KHDRBS3: variants seen among roughly 807,000 people sequenced by gnomAD.
KHDRBS3 encodes the protein KH RNA binding domain containing, signal transduction associated 3.
KHDRBS3 carries 23 observed loss-of-function variants against 45.6 expected under a neutral mutation model. The observed-to-expected ratio is 0.50, with a 90% CI of 0.36 to 0.72. The LOEUF (loss-of-function observed/expected upper bound fraction) is 0.72, where lower values mean the gene tolerates loss of function less well. Ranked by LOEUF, KHDRBS3 falls within the 30% of genes least tolerant of loss-of-function variation. The pLI is 0.00. For missense variants in KHDRBS3, 352 were observed against 424.8 expected (o/e 0.83, Z 1.51); for synonymous variants, 162 against 156.5 (o/e 1.04, Z -0.26).
Position 135,647,207 on chromosome 8 carries a change from G to A in KHDRBS3, c.*123G>A, listed in dbSNP as rs1174752728. On this transcript the variant is annotated 3_prime_UTR_variant, in exon 9 of 9. Coordinates refer to ENST00000355849, the MANE Select transcript of KHDRBS3 (RefSeq NM_006558.3). ...AGAATGCTTAAAATCTGAATGGATG[G>A]AACTTAAAACTACTTTGTTGAAACA... The A allele has an allele frequency of 1.8e-5, 6 of 332,398 alleles. No homozygotes were observed. Among genetic ancestry groups the A allele is most frequent in the Non-Finnish European group, 3.3e-5 (6 of 184,562 alleles). 20.6% of individuals were successfully genotyped at this position (332,398 alleles called of 1,614,324 possible).
chr8:135,540,347 G>C (rs1242191355), intron 2 of KHDRBS3: 1 of 152,204 alleles, frequency 6.6e-6, no homozygotes, highest in Admixed American at 6.5e-5. Flanking sequence ...AGAGCGCTCA[G>C]GAATTGTAGG....
Position 135,592,754 on chromosome 8 carries a change from G to A in KHDRBS3, c.807+10681G>A, listed in dbSNP as rs577811867. 5.8e-3 allele frequency among the ~76,000 whole-genome samples: 47 copies of A among 8,082 alleles called. No homozygotes were observed. The Non-Finnish European group carries it at 0.11, about 18-fold the overall frequency. 5.3% of individuals were successfully genotyped at this position (8,082 alleles called of 152,430 possible). A position where few individuals can be genotyped will look rare whatever the true frequency, so the allele number is the denominator to read the frequency against. The stretch of plus-strand genomic sequence containing the variant: ...TAGTAAATCTCAAAGAGGGGGCTTC[G>A]AACTCTGGTTATATAGCATCTTCCA... On this transcript the variant is annotated intron_variant, in intron 6 of 8. Coordinates refer to ENST00000355849, the MANE Select transcript of KHDRBS3 (RefSeq NM_006558.3).
intron 5 of KHDRBS3, among the ~76,000 whole-genome samples, chr8:135,577,843 A>G (rs1828019091): frequency 6.6e-6 from 1 of 152,216 alleles, no homozygotes; most frequent in Admixed American, 6.5e-5. Context: ...TGTATATACT[A>G]TGTTGCATTC....
chr8:135,523,065 T>G (rs1824998788), intron 2 of KHDRBS3, among the ~76,000 whole-genome samples: 1 of 152,212 alleles, frequency 6.6e-6, no homozygotes, highest in Non-Finnish European at 1.5e-5. Flanking sequence ...CTATAGGCTT[T>G]TACATAGTGA....
In KHDRBS3 at chr8:135,521,265, C is replaced by T; in HGVS notation, c.117C>T (p.Gly39=). The change falls in exon 2 of 9, where the codon GGC becomes GGT. Residue 39 remains glycine (G), a synonymous_variant. Transcript: ENST00000355849. ...QEIEKFQKGE[G]KDEEKYIDVV... is the part of the protein sequence containing the mutation. ...TAGAAAAGTTTCAAAAAGGAGAAGGCAAGGATGAAGAAAAGTACATCGATG... is the reference window on the plus strand; with the variant it reads ...TAGAAAAGTTTCAAAAAGGAGAAGGTAAGGATGAAGAAAAGTACATCGATG... 6.2e-7 allele frequency: 1 copy of T among 1,612,374 alleles called. No individual in the cohort carries two copies. The highest frequency in any genetic ancestry group is 8.5e-7 in the Non-Finnish European group (1 of 1,178,594).
chr8:135,516,007 G>C (rs1445596654), intron 1 of KHDRBS3, among the ~76,000 whole-genome samples: 1 of 152,176 alleles, frequency 6.6e-6, no homozygotes, highest in Non-Finnish European at 1.5e-5. Context: ...AAACATACCT[G>C]GATGGTGCAG....
chr8:135,518,624 A>C (rs549676632), intron 1 of KHDRBS3, among the ~76,000 whole-genome samples: 1 of 152,346 alleles, frequency 6.6e-6, no homozygotes, highest in South Asian at 2.1e-4. Flanking sequence ...TATTGCATAA[A>C]TAGATAATGA....
chr8:135,502,744 T>C (rs1401476111), intron 1 of KHDRBS3, among the ~76,000 whole-genome samples: 1 of 152,166 alleles, frequency 6.6e-6, no homozygotes, highest in Non-Finnish European at 1.5e-5. Context: ...TTAGGGAACA[T>C]TGAGAGCATG....
intron 4 of KHDRBS3, among the ~76,000 whole-genome samples, chr8:135,551,569 T>A (rs1241482370): frequency 1.3e-5 from 2 of 152,190 alleles, no homozygotes; most frequent in African/African-American, 4.8e-5. Flanking sequence ...TGATTTCAGA[T>A]GTGAAGCCAC....
chr8:135,617,848 C>A (rs955551905), intron 7 of KHDRBS3, among the ~76,000 whole-genome samples: 5 of 152,178 alleles, frequency 3.3e-5, no homozygotes, highest in Non-Finnish European at 7.3e-5. Flanking sequence ...CATTTTGATA[C>A]CTTATTTGTG....
intron 1 of KHDRBS3, among the ~76,000 whole-genome samples, chr8:135,468,951 G>C (rs557386892): frequency 3.2e-4 from 49 of 152,262 alleles, no homozygotes; most frequent in African/African-American, 1.1e-3. Flanking sequence ...TTATAAACTC[G>C]TGAGGGTATT....
intron 6 of KHDRBS3, among the ~76,000 whole-genome samples, chr8:135,595,834 G>C (rs1362733678): frequency 6.6e-6 from 1 of 152,186 alleles, no homozygotes; most frequent in African/African-American, 2.4e-5. Flanking sequence ...GTGGTCGACA[G>C]GCAGATGAAG....
At chr8:135,642,826 C>T (rs1396392433) in intron 7 of KHDRBS3, among the ~76,000 whole-genome samples, 2 of 150,120 alleles carry the variant, frequency 1.3e-5, no homozygotes, top group African/African-American at 4.9e-5. Flanking sequence ...TGGAGTCTCG[C>T]TCTGTCGCCA....
At chr8:135,642,422 G>A (rs1363325649) in intron 7 of KHDRBS3, among the ~76,000 whole-genome samples, 2 of 152,188 alleles carry the variant, frequency 1.3e-5, no homozygotes, top group African/African-American at 2.4e-5. Context: ...GGGCAGTGGT[G>A]TAGCTCACAA....
At chr8:135,534,376 A>C (rs902412060) in intron 2 of KHDRBS3, among the ~76,000 whole-genome samples, 1 of 152,126 alleles carries the variant, frequency 6.6e-6, no homozygotes, top group African/African-American at 2.4e-5. Context: ...GGTAGTGATT[A>C]ATACTTTCGG....
chr8:135,463,197 G>A (rs894016233), intron 1 of KHDRBS3, among the ~76,000 whole-genome samples: 18 of 152,242 alleles, frequency 1.2e-4, no homozygotes, highest in Middle Eastern at 3.4e-3. Flanking sequence ...TGTATCTTCA[G>A]CACCTAGCAT....
chr8:135,505,478 C>T (rs1289700126), intron 1 of KHDRBS3, among the ~76,000 whole-genome samples: 1 of 152,100 alleles, frequency 6.6e-6, no homozygotes, highest in Non-Finnish European at 1.5e-5. Flanking sequence ...GTACTTTCCA[C>T]TATACTTCAG....
At position 135,542,955 on chromosome 8, in the gene KHDRBS3, G is replaced by A. The variant is rs576409860; in HGVS notation, c.324+185G>A. Among the ~76,000 whole-genome samples the A allele has an allele frequency of 2.8e-4, 42 of 152,234 alleles. No homozygotes were observed. In the South Asian group the frequency reaches 8.7e-3, roughly 32 times the overall value. On this transcript the variant is annotated intron_variant, in intron 3 of 8. Transcript: ENST00000355849. ...TAAACCTGCATCTGTAACCTTTATA[G>A]TCATACATTAAATAAAAACATAATA...
intron 1 of KHDRBS3, among the ~76,000 whole-genome samples, chr8:135,486,241 A>G (rs900195147): frequency 6.6e-6 from 1 of 152,144 alleles, no homozygotes; most frequent in African/African-American, 2.4e-5. Context: ...TTTTCTCTAG[A>G]ATGGAAGCTC....
Sources: allele counts gnomAD v4.1 joint callset (sites outside exome capture counted in the v4.1 genomes callset), GRCh38; gene constraint gnomAD v4.1.1; transcripts MANE v1.5; gene names NCBI Gene and HGNC (gene_info 2026-07-23, HGNC 2026-07-21).